Variants in DRC3 observed in about 807,000 individuals in gnomAD.
DRC3 encodes the protein leucine rich repeat containing 48.
In DRC3, 45 loss-of-function variants were observed where a neutral mutation model predicts 57.6. That is an observed-to-expected ratio of 0.78 (90% CI 0.62 to 1.00). The LOEUF (loss-of-function observed/expected upper bound fraction) is 1.00, where lower values mean the gene tolerates loss of function less well. Among genes scored for constraint, DRC3 ranks in the 50% least tolerant of loss-of-function variants. DRC3 has a pLI of 0.00. For synonymous variants in DRC3, 257 were observed against 272.3 expected (o/e 0.94, Z 0.55); for missense variants, 655 against 675.2 (o/e 0.97, Z 0.33).
intron 3 of DRC3, among the ~76,000 whole-genome samples, chr17:17,978,653 T>C (rs2042505655): frequency 6.6e-6 from 1 of 152,210 alleles, no homozygotes; most frequent in Non-Finnish European, 1.5e-5. Flanking sequence ...AAGTCAGGCA[T>C]GGCCCAGGCA....
chr17:18,000,247 A>G (rs1264948732), intron 9 of DRC3, among the ~76,000 whole-genome samples: 1 of 58,468 alleles, frequency 1.7e-5, no homozygotes, highest in African/African-American at 5.9e-5. Flanking sequence ...CTTTCACGTG[A>G]GTGTGTGTGT....
At chr17:17,980,241 ATG>A (rs991865123) in intron 3 of DRC3, among the ~76,000 whole-genome samples, 1 of 150,684 alleles carries the variant, frequency 6.6e-6, no homozygotes, top group African/African-American at 2.5e-5. Flanking sequence ...GCTGGACTGT[ATG>A]TTTTTTTTTT....
rs761307066 is a variant in DRC3 at position 17,994,359 on chromosome 17, C to G, written c.652C>G (p.Leu218Val). The change falls in exon 7 of 14, where the codon CTG becomes GTG. Residue 218 changes from leucine to valine, a missense_variant. Leu to Val is a conservative substitution (Grantham distance 32, BLOSUM62 1). Coordinates refer to ENST00000399187, the MANE Select transcript of DRC3 (RefSeq NM_031294.4). ...SIDELKHQEN[L>V]MQAQLEDEQA... ...CGACGAGCTGAAGCACCAGGAGAAC[C>G]TGATGCAGGCCCAGCTGGAGGACGA... 3.2e-5 allele frequency: 50 copies of G among 1,555,270 alleles called. No individual in the cohort carries two copies. In the Admixed American group the frequency reaches 9.4e-4, roughly 29 times the overall value.
intron 12 of DRC3, among the ~76,000 whole-genome samples, chr17:18,011,115 GC>G (rs2044153623): frequency 6.6e-6 from 1 of 152,104 alleles, no homozygotes; most frequent in South Asian, 2.1e-4. Context: ...GCGCCACCAT[GC>G]CCAGCTAATT....
intron 5 of DRC3, among the ~76,000 whole-genome samples, chr17:17,990,575 C>T (rs979864296): frequency 2.0e-5 from 3 of 152,252 alleles, no homozygotes; most frequent in Non-Finnish European, 4.4e-5. Flanking sequence ...GATTAAATGT[C>T]ACCTCCCCAG....
rs756584085 is a variant in DRC3, at chr17:17,995,117, C to T, written c.824+6C>T. The T allele has an allele frequency of 2.5e-6, 4 of 1,602,648 alleles. No individual in the cohort carries two copies. The South Asian group carries it at 4.4e-5, about 18-fold the overall frequency. On this transcript the variant is annotated splice_donor_region_variant and intron_variant, in intron 8 of 13. Coordinates refer to ENST00000399187, the MANE Select transcript of DRC3 (RefSeq NM_031294.4). ...GTCGGTGAGCTCCTTGAGACATATC[C>T]TTCTGAGTTCATGGCTGTCTCAGAG...
chr17:18,007,845 TTC>T, intron 12 of DRC3: 1 of 1,008,172 alleles, frequency 9.9e-7, no homozygotes, highest in Non-Finnish European at 1.2e-6. Context: ...GTTTCTCAGC[TTC>T]TCTCTGTCGC....
At chr17:18,004,827 C>T (rs2043889621) in intron 10 of DRC3, 1 of 256,134 alleles carries the variant, frequency 3.9e-6, no homozygotes, top group African/African-American at 2.2e-5. Context: ...GGGGACCAAA[C>T]AAAGACCCCT....
intron 5 of DRC3, among the ~76,000 whole-genome samples, chr17:17,992,476 G>A (rs79037810): frequency 0.023 from 3,469 of 152,202 alleles, 115 homozygotes; most frequent in African/African-American, 0.071. Context: ...AGATGTGGAC[G>A]TTGAAGCTCA....
At chr17:18,011,700 GC>G in intron 12 of DRC3, 1 of 210,466 alleles carries the variant, frequency 4.8e-6, no homozygotes, top group Admixed American at 4.6e-5. Context: ...ATAGCTACCT[GC>G]CCCCTGACCT....
At chr17:17,978,915 C>T (rs878947405) in intron 3 of DRC3, among the ~76,000 whole-genome samples, 1 of 152,318 alleles carries the variant, frequency 6.6e-6, no homozygotes, top group East Asian at 1.9e-4. Context: ...AGACAAAAGC[C>T]TTGTCCTCAT....
intron 2 of DRC3, among the ~76,000 whole-genome samples, chr17:17,975,319 C>G (rs1197954650): frequency 6.6e-6 from 1 of 151,456 alleles, no homozygotes; most frequent in African/African-American, 2.4e-5. Context: ...TCAAGCGATT[C>G]TCCTGCCTCA....
chr17:17,978,688 CCAGGGCTGACCACCCAAT>C, intron 3 of DRC3, among the ~76,000 whole-genome samples: 1 of 152,308 alleles, frequency 6.6e-6, no homozygotes, highest in Non-Finnish European at 1.5e-5. Flanking sequence ...CCATAGGCTC[CCAGGGCTGACCACCCAAT>C]CAGGGAGGGC....
At chr17:17,982,826 G>A (rs900483764) in intron 3 of DRC3, among the ~76,000 whole-genome samples, 3 of 151,844 alleles carry the variant, frequency 2.0e-5, no homozygotes, top group Non-Finnish European at 4.4e-5. Context: ...CGCCCGCCTC[G>A]GCCTCCCAAA....
chr17:18,013,430 T>C (rs1465624193), intron 12 of DRC3, among the ~76,000 whole-genome samples: 1 of 152,032 alleles, frequency 6.6e-6, no homozygotes, highest in Non-Finnish European at 1.5e-5. Context: ...ATAAAGAAAA[T>C]GTGGTACCTA....
intron 8 of DRC3, 84 bp from the exon 9 acceptor site, chr17:17,997,376 C>T: frequency 1.5e-6 from 2 of 1,334,968 alleles, no homozygotes; most frequent in East Asian, 2.4e-5. Flanking sequence ...AGTCTGTGCA[C>T]TGTGCCAGGG....
At chr17:17,987,733 A>G (rs753135516) in intron 4 of DRC3, among the ~76,000 whole-genome samples, 199 bp from the exon 5 acceptor site, 11 of 152,174 alleles carry the variant, frequency 7.2e-5, no homozygotes, top group Admixed American at 1.3e-4. Context: ...TGGAGAGGGT[A>G]GTGAATATTG....
At chr17:17,986,884 C>T (rs1055481742) in intron 4 of DRC3, among the ~76,000 whole-genome samples, 1 of 152,182 alleles carries the variant, frequency 6.6e-6, no homozygotes, top group African/African-American at 2.4e-5. Context: ...AACAGCCCCA[C>T]CTGCCAGGTA....
intron 12 of DRC3, among the ~76,000 whole-genome samples, chr17:18,013,827 C>T (rs539096111): frequency 1.9e-4 from 29 of 152,158 alleles, no homozygotes; most frequent in African/African-American, 6.5e-4. Flanking sequence ...ATGTTTGAGA[C>T]GGATATGCTA....
Sources: allele counts gnomAD v4.1 joint callset (sites outside exome capture counted in the v4.1 genomes callset), GRCh38; gene constraint gnomAD v4.1.1; transcripts MANE v1.5; gene names NCBI Gene and HGNC (gene_info 2026-07-23, HGNC 2026-07-21).